The following NTM variants were observed in gnomAD, a reference collection of about 807,000 sequenced individuals.
NTM encodes the protein IgLON family member 2.
NTM carries 13 observed loss-of-function variants against 42.1 expected under a neutral mutation model. That is an observed-to-expected ratio of 0.31 (90% CI 0.20 to 0.49). NTM has a LOEUF of 0.49. Among genes scored for constraint, NTM ranks in the 20% least tolerant of loss-of-function variants. The pLI is 0.99. For missense variants in NTM, 373 were observed against 452.8 expected (o/e 0.82, Z 1.60); for synonymous variants, 187 against 179.2 (o/e 1.04, Z -0.35).
intron 2 of NTM, among the ~76,000 whole-genome samples, chr11:131,980,634 C>T (rs1264583258): frequency 6.6e-6 from 1 of 152,160 alleles, no homozygotes; most frequent in Non-Finnish European, 1.5e-5. Flanking sequence ...CCCACTAATT[C>T]ATATATTCTT....
chr11:132,320,714 CT>C (rs1262129204), intron 7 of NTM, among the ~76,000 whole-genome samples: 3 of 152,080 alleles, frequency 2.0e-5, no homozygotes, highest in Non-Finnish European at 4.4e-5. Flanking sequence ...GGCTCCACCT[CT>C]GGGGGCAGGG....
intron 2 of NTM, among the ~76,000 whole-genome samples, chr11:132,139,322 T>C (rs536730412): frequency 2.6e-5 from 4 of 152,280 alleles, no homozygotes; most frequent in Non-Finnish European, 5.9e-5. Flanking sequence ...AACAGAGTTA[T>C]TGAATCAAAA....
At chr11:131,794,601 C>T (rs2091336528) in intron 1 of NTM, 1 of 980,522 alleles carries the variant, frequency 1.0e-6, no homozygotes, top group African/African-American at 1.8e-5. Flanking sequence ...TAGACCGACA[C>T]AAAATAAGTG....
At chr11:131,500,618 G>A (rs2136364542) in intron 1 of NTM, among the ~76,000 whole-genome samples, 1 of 142,520 alleles carries the variant, frequency 7.0e-6, no homozygotes, top group African/African-American at 2.6e-5. Context: ...AAGTTCTAGG[G>A]TACATGGGCA....
intron 2 of NTM, among the ~76,000 whole-genome samples, chr11:132,130,895 G>A (rs1036186160): frequency 7.9e-5 from 12 of 152,200 alleles, no homozygotes; most frequent in Middle Eastern, 3.2e-3. Context: ...GAGGCCCAGG[G>A]TGATGAAGTG....
At chr11:131,398,644 T>G (rs1043261912) in intron 1 of NTM, among the ~76,000 whole-genome samples, 5 of 152,206 alleles carry the variant, frequency 3.3e-5, no homozygotes, top group African/African-American at 1.2e-4. Flanking sequence ...AAATAATGTT[T>G]CAGTGAACAT....
intron 1 of NTM, among the ~76,000 whole-genome samples, chr11:131,878,689 T>C (rs1470613418): frequency 6.8e-6 from 1 of 146,100 alleles, no homozygotes; most frequent in East Asian, 2.0e-4. Context: ...TATTATTTCA[T>C]TAAATCTTGC....
intron 2 of NTM, among the ~76,000 whole-genome samples, chr11:132,055,806 G>T (rs2135967935): frequency 6.6e-6 from 1 of 152,244 alleles, no homozygotes; most frequent in Admixed American, 6.5e-5. Flanking sequence ...GTGGCCTTGG[G>T]CCCTGTGCCT....
intron 1 of NTM, among the ~76,000 whole-genome samples, chr11:131,679,986 C>T (rs142906883): frequency 2.0e-5 from 3 of 152,280 alleles, no homozygotes; most frequent in Admixed American, 6.5e-5. Context: ...CTGAGTGAAG[C>T]GCCTTGAGAA....
At chr11:131,653,207 AC>A (rs1273510322) in intron 1 of NTM, among the ~76,000 whole-genome samples, 1 of 151,084 alleles carries the variant, frequency 6.6e-6, no homozygotes, top group Non-Finnish European at 1.5e-5. Flanking sequence ...TTTCTTAGGG[AC>A]CTTTTTTTTG....
In NTM at chr11:131,528,623, C is replaced by T. The variant is rs552542616; in HGVS notation, c.82+157735C>T. The stretch of plus-strand genomic sequence containing the variant: ...TGTGTTAAGGCATGGATTCTGTTTC[C>T]AGTTCTGCTGCTAACTGGAGTAATC... On this transcript the variant is annotated intron_variant, in intron 1 of 8. Transcript: ENST00000683400. 1.6e-4 allele frequency among the ~76,000 whole-genome samples: 25 copies of T among 152,282 alleles called. 1 individual carries two copies. In the South Asian group the frequency reaches 5.2e-3, roughly 32 times the overall value.
At chr11:131,615,668 C>A (rs7929208) in intron 1 of NTM, among the ~76,000 whole-genome samples, 5,838 of 152,320 alleles carry the variant, frequency 0.038, 372 homozygotes, top group African/African-American at 0.13. Context: ...CCGCACCCGG[C>A]CGTAGCAAGT....
At chr11:132,144,171 A>C (rs2137295026) in intron 2 of NTM, among the ~76,000 whole-genome samples, 1 of 152,160 alleles carries the variant, frequency 6.6e-6, no homozygotes, top group East Asian at 1.9e-4. Flanking sequence ...TGCTTCTTAA[A>C]CCCTAATGTG....
chr11:131,931,618 A>C lies in NTM; in HGVS notation c.167+19970A>C, dbSNP rs76252103. 9.2e-3 allele frequency among the ~76,000 whole-genome samples: 1,396 copies of C among 152,020 alleles called. 23 individuals are homozygous for C. The highest frequency in any genetic ancestry group is 0.032 in the African/African-American group (1,317 of 41,444). ...TAGGTGATGTTTGGGCTACAGAAAT[A>C]AATAAGACACAGTTCCTGTCTTCCA... is the stretch of plus-strand genomic sequence containing the variant. On this transcript the variant is annotated intron_variant, in intron 2 of 8. Transcript: ENST00000683400.
chr11:132,196,239 AC>A (rs1348103996), intron 3 of NTM, among the ~76,000 whole-genome samples: 8 of 152,216 alleles, frequency 5.3e-5, no homozygotes, highest in African/African-American at 1.9e-4. Context: ...AAATCAAACC[AC>A]AATGAGATAC....
chr11:131,720,722 C>G (rs186447672), intron 1 of NTM, among the ~76,000 whole-genome samples: 6 of 152,256 alleles, frequency 3.9e-5, no homozygotes, highest in Middle Eastern at 6.8e-3. Flanking sequence ...CCAGAGGCAG[C>G]GTGTTATAGT....
At chr11:132,320,691 G>T (rs1390794022) in intron 7 of NTM, among the ~76,000 whole-genome samples, 5 of 152,136 alleles carry the variant, frequency 3.3e-5, no homozygotes, top group Non-Finnish European at 7.4e-5. Flanking sequence ...AAGGAGGCCT[G>T]CCTGCCTCTG....
At chr11:132,268,026 C>T (rs554128231) in intron 4 of NTM, among the ~76,000 whole-genome samples, 46 of 152,178 alleles carry the variant, frequency 3.0e-4, no homozygotes, top group African/African-American at 1.1e-3. Context: ...GGGACAGGCT[C>T]TTAGGAGTCA....
intron 1 of NTM, among the ~76,000 whole-genome samples, chr11:131,756,588 T>A (rs1480009933): frequency 6.6e-6 from 1 of 151,340 alleles, no homozygotes; most frequent in Non-Finnish European, 1.5e-5. Context: ...CTGGGGAGGC[T>A]GAGGTGGGAG....
Sources: gnomAD v4.1 joint callset for allele counts (sites outside exome capture counted in the v4.1 genomes callset) on GRCh38, gnomAD v4.1.1 for gene constraint, MANE v1.5 for transcripts, NCBI Gene and HGNC (gene_info 2026-07-23, HGNC 2026-07-21) for gene names.